HS2ST1: variants seen among roughly 807,000 people sequenced by gnomAD.
HS2ST1 encodes the protein heparan sulfate 2-O-sulfotransferase 1, also known as 2-O-sulfotransferase.
In HS2ST1, 18 loss-of-function variants were observed where a neutral mutation model predicts 42.9. The ratio of observed to expected loss-of-function variants is 0.42; its 90% CI spans 0.29 to 0.62. HS2ST1 has a LOEUF of 0.62. HS2ST1 is among the 20% of genes least tolerant of loss of function. The pLI, the probability that HS2ST1 is intolerant of heterozygous loss-of-function variation, is 0.21. For synonymous variants in HS2ST1, 146 were observed against 152.9 expected, an observed-to-expected ratio of 0.95 and a Z score of 0.33; for missense variants, 334 against 433.8, an observed-to-expected ratio of 0.77 and a Z score of 2.04.
chr1:87,038,047 A>C (rs1300718271), intron 1 of HS2ST1, among the ~76,000 whole-genome samples: 1 of 152,068 alleles, frequency 6.6e-6, no homozygotes, highest in East Asian at 1.9e-4. Flanking sequence ...AATGTACTTT[A>C]ACCAATAGTT....
intron 1 of HS2ST1, among the ~76,000 whole-genome samples, chr1:86,944,380 A>G (rs943722549): frequency 6.6e-6 from 1 of 152,070 alleles, no homozygotes; most frequent in African/African-American, 2.4e-5. Context: ...TTTTTGAGAC[A>G]GTCTCATACT....
intron 1 of HS2ST1, among the ~76,000 whole-genome samples, chr1:86,921,068 T>C (rs1660282393): frequency 2.0e-5 from 3 of 150,688 alleles, no homozygotes; most frequent in Non-Finnish European, 4.4e-5. Flanking sequence ...ATGATAAATA[T>C]ATACAGTTTT....
intron 1 of HS2ST1, among the ~76,000 whole-genome samples, chr1:87,065,825 G>GA (rs1651234670): frequency 1.3e-5 from 2 of 152,224 alleles, no homozygotes; most frequent in South Asian, 4.2e-4. Context: ...TTAAAGATAT[G>GA]AAAATTTGGT....
At chr1:86,964,071 CA>C (rs1647957546) in intron 1 of HS2ST1, among the ~76,000 whole-genome samples, 1 of 151,708 alleles carries the variant, frequency 6.6e-6, no homozygotes, top group Non-Finnish European at 1.5e-5. Flanking sequence ...CCTCACATCC[CA>C]CACGGGGTGG....
rs1557504904 is a variant in HS2ST1, at chr1:86,985,493, T to TACAC, written c.124+70334_124+70335insCACA. Among the ~76,000 whole-genome samples the TACAC allele has an allele frequency of 7.3e-4, 62 of 84,456 alleles. 1 individual carries two copies. The highest frequency in any genetic ancestry group is 1.0e-3 in the East Asian group (2 of 1,984). The allele number at this position is 84,456 out of a possible 152,430, so 55.4% of individuals were successfully genotyped here. On this transcript the variant is annotated intron_variant, in intron 1 of 6. Coordinates refer to ENST00000370550, the MANE Select transcript of HS2ST1 (RefSeq NM_012262.4). ...ATATATACACATATATACACATATATATACACATATATACACATATATATA... is the reference window on the plus strand; with the variant it reads ...ATATATACACATATATACACATATATACACATACACATATATACACATATATATA...
At chr1:86,924,209 A>G (rs1256421408) in intron 1 of HS2ST1, among the ~76,000 whole-genome samples, 1 of 152,210 alleles carries the variant, frequency 6.6e-6, no homozygotes, top group East Asian at 1.9e-4. Context: ...TCCAGGTCAC[A>G]CTGATGCAAG....
chr1:87,021,509 G>A (rs922745737), intron 1 of HS2ST1, among the ~76,000 whole-genome samples: 4 of 152,032 alleles, frequency 2.6e-5, no homozygotes, highest in Admixed American at 2.0e-4. Flanking sequence ...ATTATTGGTG[G>A]TGGTGGTGTT....
chr1:86,985,509 CAT>C (rs67550551), intron 1 of HS2ST1, among the ~76,000 whole-genome samples: 1,280 of 36,766 alleles, frequency 0.035, 477 homozygotes, highest in East Asian at 0.066. Flanking sequence ...CATATATACA[CAT>C]ATATATACAC....
intron 1 of HS2ST1, among the ~76,000 whole-genome samples, chr1:86,998,628 G>C (rs1472858974): frequency 2.0e-5 from 3 of 151,896 alleles, no homozygotes. Flanking sequence ...AATTTTTTTA[G>C]GCTTCTGTTT....
chr1:87,017,432 C>T (rs982511854), intron 1 of HS2ST1, among the ~76,000 whole-genome samples: 2 of 152,136 alleles, frequency 1.3e-5, no homozygotes, highest in African/African-American at 4.8e-5. Context: ...CCACCACACC[C>T]GGCCTCTCTC....
intron 1 of HS2ST1, among the ~76,000 whole-genome samples, chr1:86,931,378 A>AT (rs912210919): frequency 3.3e-5 from 5 of 151,742 alleles, no homozygotes; most frequent in Non-Finnish European, 5.9e-5. Context: ...TTTGTAGCCC[A>AT]TTTTTTTTGT....
intron 1 of HS2ST1, among the ~76,000 whole-genome samples, chr1:86,959,206 T>C (rs1384394668): frequency 2.0e-5 from 3 of 152,200 alleles, no homozygotes; most frequent in African/African-American, 7.2e-5. Context: ...CTCACTACTC[T>C]TCAGCATCAT....
intron 1 of HS2ST1, among the ~76,000 whole-genome samples, chr1:86,955,494 C>T (rs1179383511): frequency 1.3e-5 from 2 of 152,114 alleles, no homozygotes; most frequent in African/African-American, 4.8e-5. Context: ...TCCACAAAAC[C>T]CGTCCCTCTT....
chr1:87,081,779 A>G (rs1651697009), intron 2 of HS2ST1, among the ~76,000 whole-genome samples: 1 of 152,072 alleles, frequency 6.6e-6, no homozygotes, highest in Non-Finnish European at 1.5e-5. Flanking sequence ...CGAGGTCAAG[A>G]GATCGAGACC....
intron 1 of HS2ST1, among the ~76,000 whole-genome samples, chr1:86,989,952 TTATC>T (rs1487688892): frequency 2.0e-5 from 3 of 152,096 alleles, no homozygotes; most frequent in Admixed American, 6.6e-5. Context: ...CACATTTTCT[TTATC>T]TAGTCTGTCG....
At chr1:86,951,671 T>C (rs1647524066) in intron 1 of HS2ST1, among the ~76,000 whole-genome samples, 1 of 152,186 alleles carries the variant, frequency 6.6e-6, no homozygotes, top group Non-Finnish European at 1.5e-5. Flanking sequence ...ACTGTGGCAA[T>C]TTCTTCAAAT....
intron 1 of HS2ST1, among the ~76,000 whole-genome samples, chr1:87,007,625 CCT>C (rs1316526664): frequency 6.6e-6 from 1 of 152,148 alleles, no homozygotes; most frequent in African/African-American, 2.4e-5. Flanking sequence ...ACTTTGCACT[CCT>C]CTGACATTTC....
intron 1 of HS2ST1, among the ~76,000 whole-genome samples, chr1:87,065,350 G>A (rs926858687): frequency 6.6e-6 from 1 of 152,154 alleles, no homozygotes; most frequent in African/African-American, 2.4e-5. Context: ...CTTGCCAGGA[G>A]GATCTGACTA....
chr1:86,973,175 C>T (rs1648286995), intron 1 of HS2ST1, among the ~76,000 whole-genome samples: 1 of 150,448 alleles, frequency 6.6e-6, no homozygotes, highest in African/African-American at 2.4e-5. Flanking sequence ...ATCTAAGGAT[C>T]TTTCTTTGTT....
Sources: allele counts gnomAD v4.1 joint callset (sites outside exome capture counted in the v4.1 genomes callset), GRCh38; gene constraint gnomAD v4.1.1; transcripts MANE v1.5; gene names NCBI Gene and HGNC (gene_info 2026-07-23, HGNC 2026-07-21).